Variants in LPIN2 observed in about 807,000 individuals in gnomAD.
The protein encoded by LPIN2 is phosphatidate phosphatase LPIN2.
In LPIN2, 55 loss-of-function variants were observed where a neutral mutation model predicts 111.4. The observed-to-expected ratio is 0.49, with a 90% CI of 0.40 to 0.62. The LOEUF is 0.62. LPIN2 is among the 20% of genes least tolerant of loss of function. The pLI, the probability that LPIN2 is intolerant of heterozygous loss-of-function variation, is 0.00. For missense variants in LPIN2, 992 were observed against 1,112.1 expected (o/e 0.89, Z 1.54); for synonymous variants, 425 against 414.0 (o/e 1.03, Z -0.32).
Position 2,940,670 on chromosome 18 carries a change from C to T in LPIN2, c.633G>A (p.Glu211=). The T allele has an allele frequency of 2.5e-6, 4 of 1,613,524 alleles. No homozygotes were observed. Among genetic ancestry groups the T allele is most frequent in the Non-Finnish European group, 3.4e-6 (4 of 1,179,654 alleles). ...NASLKEEECK[E]PLLFHSGDHY... ...GATCCCCAGAATGGAAGAGCAAAGG[C>T]TCTTTACATTCTTCTTCTTTCAAGG... The change falls in exon 5 of 20, where the codon GAG becomes GAA. Residue 211 remains glutamate, a synonymous_variant. Transcript: ENST00000677752.
intron 2 of LPIN2, among the ~76,000 whole-genome samples, chr18:2,960,292 T>C (rs2077691947): frequency 6.6e-6 from 1 of 151,688 alleles, no homozygotes; most frequent in African/African-American, 2.4e-5. Context: ...AAATACTATA[T>C]AAGGTAAAGG....
At chr18:2,994,855 C>T (rs373776539) in intron 1 of LPIN2, among the ~76,000 whole-genome samples, 6 of 152,314 alleles carry the variant, frequency 3.9e-5, no homozygotes, top group South Asian at 2.1e-4. Context: ...CTGGTTTAAA[C>T]AGATGGTATA....
chr18:3,010,198 T>G (rs2078579562), intron 1 of LPIN2, among the ~76,000 whole-genome samples: 1 of 152,114 alleles, frequency 6.6e-6, no homozygotes, highest in Non-Finnish European at 1.5e-5. Context: ...TAATAGTGTG[T>G]TACTAAAATG....
rs1196811222 is a variant in LPIN2, at chr18:2,919,525, G to C, written c.*768C>G. On this transcript the variant is annotated 3_prime_UTR_variant, in exon 20 of 20. Coordinates refer to ENST00000677752, the MANE Select transcript of LPIN2 (RefSeq NM_001375808.2). ...GCAGAGTTGTTGGGGGCGGGGCGGG[G>C]TTTGGTCTGTTTTAAGACCCACCTT... 1 of 152,312 alleles carries C rather than the reference G, an allele frequency of 6.6e-6. No individual in the cohort carries two copies. Among genetic ancestry groups the C allele is most frequent in the Non-Finnish European group, 1.5e-5 (1 of 68,144 alleles). The allele number at this position is 152,312 out of a possible 1,614,324, so 9.4% of individuals were successfully genotyped here.
rs2078161799 is a variant in LPIN2 at position 2,984,662 on chromosome 18, AGGGG to A, written c.-9-23817_-9-23814del. Reference sequence around the variant, plus strand: ...AAATATTCAACTGGATAGCAGGAGAAGGGGAAAACTGTAAGGAGGGTGGAAAGAA... The same window carrying A: ...AAATATTCAACTGGATAGCAGGAGAAAAAACTGTAAGGAGGGTGGAAAGAA... On this transcript the variant is annotated intron_variant, in intron 1 of 19. Coordinates refer to ENST00000677752, the MANE Select transcript of LPIN2 (RefSeq NM_001375808.2). Among the ~76,000 whole-genome samples, 3 of 152,134 alleles carry A rather than the reference AGGGG, an allele frequency of 2.0e-5. No homozygotes were observed. The East Asian group carries it at 5.8e-4, about 29-fold the overall frequency.
intron 1 of LPIN2, among the ~76,000 whole-genome samples, chr18:2,994,585 C>T (rs1211289546): frequency 6.6e-6 from 1 of 152,198 alleles, no homozygotes; most frequent in East Asian, 1.9e-4. Context: ...GGATATCCAT[C>T]CCCTCGAACA....
At chr18:2,979,874 A>G (rs1428217488) in intron 1 of LPIN2, among the ~76,000 whole-genome samples, 1 of 152,094 alleles carries the variant, frequency 6.6e-6, no homozygotes, top group East Asian at 1.9e-4. Context: ...CAGGCCTCAG[A>G]GTTTTCATTT....
intron 1 of LPIN2, among the ~76,000 whole-genome samples, chr18:2,978,793 G>A (rs75115153): frequency 0.01 from 1,554 of 152,284 alleles, 26 homozygotes; most frequent in African/African-American, 0.035. Flanking sequence ...AGTCAGATGT[G>A]GGCATCATCG....
intron 1 of LPIN2, among the ~76,000 whole-genome samples, chr18:3,002,115 G>A (rs1269508955): frequency 6.6e-6 from 1 of 151,622 alleles, no homozygotes; most frequent in Non-Finnish European, 1.5e-5. Context: ...TAAAACAAAA[G>A]TCCTATTTCT....
chr18:2,978,601 T>C (rs986107280), intron 1 of LPIN2, among the ~76,000 whole-genome samples: 5 of 152,214 alleles, frequency 3.3e-5, no homozygotes, highest in Admixed American at 6.5e-5. Context: ...CAAGGTAAGG[T>C]TGGGCTCTGG....
At chr18:2,964,451 C>T (rs1375626650) in intron 1 of LPIN2, among the ~76,000 whole-genome samples, 1 of 152,008 alleles carries the variant, frequency 6.6e-6, no homozygotes, top group East Asian at 1.9e-4. Flanking sequence ...TAGATGAGGT[C>T]ACATGGGTGG....
chr18:2,971,273 C>G (rs1251946882), intron 1 of LPIN2, among the ~76,000 whole-genome samples: 2 of 152,070 alleles, frequency 1.3e-5, no homozygotes, highest in African/African-American at 2.4e-5. Flanking sequence ...GAAGTGGGAT[C>G]AAAAAGGAAC....
At chr18:2,954,461 C>G in intron 3 of LPIN2, 43 bp downstream of exon 3, 1 of 1,428,454 alleles carries the variant, frequency 7.0e-7, no homozygotes, top group Non-Finnish European at 9.9e-7. Context: ...TACCAGAGGC[C>G]TGAGCACACT....
At chr18:2,978,056 T>C (rs1227374019) in intron 1 of LPIN2, among the ~76,000 whole-genome samples, 2 of 151,934 alleles carry the variant, frequency 1.3e-5, no homozygotes, top group Admixed American at 1.3e-4. Context: ...CCGGGAGTGG[T>C]GGCACCTGTA....
At chr18:2,965,825 T>G (rs1425319338) in intron 1 of LPIN2, among the ~76,000 whole-genome samples, 1 of 152,024 alleles carries the variant, frequency 6.6e-6, no homozygotes, top group Non-Finnish European at 1.5e-5. Context: ...ATTTGATGTG[T>G]TCAATCAAAA....
Position 2,921,981 on chromosome 18 carries a change from C to G in LPIN2, c.2327+66G>C, listed in dbSNP as rs76543111. 5.8e-4 allele frequency: 898 copies of G among 1,542,996 alleles called. 1 individual carries two copies. The highest frequency in any genetic ancestry group is 1.4e-3 in the Middle Eastern group (6 of 4,402). Reference sequence around the variant, plus strand: ...TGACTTCTGTTCCCACACATCCCCCCACCTTGGGCCCAGCCCCGCCCACAT... The same window carrying G: ...TGACTTCTGTTCCCACACATCCCCCGACCTTGGGCCCAGCCCCGCCCACAT... On this transcript the variant is annotated intron_variant, in intron 17 of 19. Transcript: ENST00000677752.
At chr18:2,993,835 C>CT (rs1440152837) in intron 1 of LPIN2, among the ~76,000 whole-genome samples, 1 of 152,166 alleles carries the variant, frequency 6.6e-6, no homozygotes, top group Non-Finnish European at 1.5e-5. Flanking sequence ...GCAATATACC[C>CT]TCTTTACAGA....
At chr18:3,004,089 A>C (rs2078474912) in intron 1 of LPIN2, among the ~76,000 whole-genome samples, 1 of 152,192 alleles carries the variant, frequency 6.6e-6, no homozygotes, top group South Asian at 2.1e-4. Flanking sequence ...GGGAAATTCC[A>C]GCCTGGTAAA....
chr18:2,961,834 C>G (rs2077718825), intron 1 of LPIN2, among the ~76,000 whole-genome samples: 1 of 152,140 alleles, frequency 6.6e-6, no homozygotes, highest in Admixed American at 6.5e-5. Context: ...AGAGAGTAAC[C>G]AAGAGCCCCT....
Sources: gnomAD v4.1 joint callset for allele counts (sites outside exome capture counted in the v4.1 genomes callset) on GRCh38, gnomAD v4.1.1 for gene constraint, MANE v1.5 for transcripts, NCBI Gene and HGNC (gene_info 2026-07-23, HGNC 2026-07-21) for gene names.